The following GSTA2 variants were observed in gnomAD, a reference collection of about 807,000 sequenced individuals.
The protein encoded by GSTA2 is glutathione S-transferase A2.
GSTA2 carries 27 observed loss-of-function variants against 22.4 expected under a neutral mutation model. The observed-to-expected ratio is 1.21, with a 90% CI of 0.89 to 1.67. The LOEUF (loss-of-function observed/expected upper bound fraction) is 1.67. Among genes scored for constraint, GSTA2 ranks in the 40% most tolerant of loss-of-function variants. The pLI, the probability that GSTA2 is intolerant of heterozygous loss-of-function variation, is 0.00. For missense variants in GSTA2, 302 were observed against 260.2 expected (o/e 1.16, Z -1.11); for synonymous variants, 121 against 86.8 (o/e 1.39, Z -2.19).
chr6:52,755,164 T>A, intron 3 of GSTA2, 89 bp from the exon 4 acceptor site: 1 of 1,549,708 alleles, frequency 6.5e-7, no homozygotes, highest in Non-Finnish European at 8.7e-7. Flanking sequence ...AATGACTAAA[T>A]TTGTAAAACG....
chr6:52,755,481 G>A (rs1171302349), intron 3 of GSTA2, among the ~76,000 whole-genome samples: 8 of 152,152 alleles, frequency 5.3e-5, no homozygotes, highest in Non-Finnish European at 1.0e-4. Flanking sequence ...CCCAAATTGG[G>A]ATTACAGGTG....
At chr6:52,760,629 C>A (rs968858560) in intron 1 of GSTA2, among the ~76,000 whole-genome samples, 1 of 152,094 alleles carries the variant, frequency 6.6e-6, no homozygotes, top group African/African-American at 2.4e-5. Context: ...ATTGCAGGTC[C>A]GGAGCTTTTC....
chr6:52,762,104 CCAGGGACACAAAACACTGCGGAAGGCCG>C (rs368079360), intron 1 of GSTA2, among the ~76,000 whole-genome samples: 1,833 of 152,238 alleles, frequency 0.012, 38 homozygotes, highest in African/African-American at 0.041. Flanking sequence ...TGTCAAGTAC[CCAGGGACACAAAACACTGCGGAAGGCCG>C]CAGGGACCTC....
At chr6:52,760,679 A>G (rs1762937408) in intron 1 of GSTA2, among the ~76,000 whole-genome samples, 1 of 152,106 alleles carries the variant, frequency 6.6e-6, no homozygotes, top group Non-Finnish European at 1.5e-5. Context: ...CCTGTCTGAG[A>G]AGTTGTTTTG....
intron 1 of GSTA2, among the ~76,000 whole-genome samples, chr6:52,761,080 G>T (rs1264493575): frequency 4.6e-5 from 7 of 152,102 alleles, no homozygotes; most frequent in Admixed American, 4.6e-4. Context: ...GCAGTAGGTT[G>T]TTTAATCTCT....
At chr6:52,757,824 G>C in intron 2 of GSTA2, 37 bp downstream of exon 2, 7 of 1,548,494 alleles carry the variant, frequency 4.5e-6, no homozygotes, top group Non-Finnish European at 6.2e-6. Context: ...TAACGCAATC[G>C]TAAATCTGAC....
intron 5 of GSTA2, among the ~76,000 whole-genome samples, chr6:52,752,118 C>G (rs565573909): frequency 6.6e-6 from 1 of 152,184 alleles, no homozygotes; most frequent in East Asian, 1.9e-4. Flanking sequence ...ACTCCACCAT[C>G]GTGACAACAC....
At chr6:52,759,396 G>A (rs1581776487) in intron 1 of GSTA2, among the ~76,000 whole-genome samples, 2 of 152,052 alleles carry the variant, frequency 1.3e-5, no homozygotes, top group Admixed American at 1.3e-4. Context: ...GAAAGACACA[G>A]GACTCATTGA....
chr6:52,761,119 A>G lies in GSTA2; in HGVS notation c.-31+2325T>C, dbSNP rs995072314. ...CCTCAATTTTCTCTTCTTAGATTAG[A>G]GATAGTTATTTCTACTTTTGAGGGT... On this transcript the variant is annotated intron_variant, in intron 1 of 6. Coordinates refer to ENST00000493422, the MANE Select transcript of GSTA2 (RefSeq NM_000846.5). 2.6e-5 allele frequency among the ~76,000 whole-genome samples: 4 copies of G among 152,292 alleles called. No individual in the cohort carries two copies. The East Asian group carries it at 5.8e-4, about 22-fold the overall frequency.
intron 6 of GSTA2, 120 bp downstream of exon 6, chr6:52,751,457 T>TG (rs1232815042): frequency 2.0e-5 from 32 of 1,586,418 alleles, no homozygotes; most frequent in South Asian, 1.7e-4. Context: ...TTGGAGACCT[T>TG]GGGGCACCAA....
At chr6:52,755,910 T>C (rs995427608) in intron 3 of GSTA2, among the ~76,000 whole-genome samples, 3 of 152,156 alleles carry the variant, frequency 2.0e-5, no homozygotes, top group African/African-American at 7.2e-5. Context: ...CCTCCTTTTG[T>C]CTAATGCATG....
At chr6:52,754,802 T>TGCAATACTGGACCTCA (rs1762809759) in intron 4 of GSTA2, 141 bp downstream of exon 4, 1 of 1,077,480 alleles carries the variant, frequency 9.3e-7, no homozygotes, top group Non-Finnish European at 1.4e-6. Context: ...CATGGGACTC[T>TGCAATACTGGACCTCA]GCAATACTGG....
chr6:52,751,125 A>T lies in GSTA2; in HGVS notation c.547-426T>A, dbSNP rs535432249. Among the ~76,000 whole-genome samples, 562 of 152,312 alleles carry T rather than the reference A, an allele frequency of 3.7e-3. 3 individuals carry two copies. The highest frequency in any genetic ancestry group is 0.013 in the African/African-American group (531 of 41,574). ...GGACCACCTTTTCTCAGTGAGAGAT[A>T]CATTGTCGGGGGCAGAGTGCTGGAG... On this transcript the variant is annotated intron_variant, in intron 6 of 6. Coordinates refer to ENST00000493422, the MANE Select transcript of GSTA2 (RefSeq NM_000846.5).
intron 1 of GSTA2, among the ~76,000 whole-genome samples, chr6:52,758,999 A>G (rs527513610): frequency 1.3e-5 from 2 of 152,346 alleles, no homozygotes; most frequent in East Asian, 3.9e-4. Context: ...CACTGCTATT[A>G]AAAACCAAAT....
intron 1 of GSTA2, among the ~76,000 whole-genome samples, chr6:52,759,194 G>T (rs908863912): frequency 6.6e-6 from 1 of 151,526 alleles, no homozygotes; most frequent in Non-Finnish European, 1.5e-5. Context: ...TGTATACTGT[G>T]TGTATGGATC....
chr6:52,758,392 T>G (rs1419420392), intron 1 of GSTA2, among the ~76,000 whole-genome samples: 1 of 152,190 alleles, frequency 6.6e-6, no homozygotes, highest in Non-Finnish European at 1.5e-5. Flanking sequence ...ATTATCTCCA[T>G]TTTTTCGTTA....
intron 1 of GSTA2, among the ~76,000 whole-genome samples, chr6:52,759,410 A>C (rs1762908652): frequency 6.6e-6 from 1 of 152,118 alleles, no homozygotes. Flanking sequence ...TCATTGAAAG[A>C]AGGAGTTCCA....
chr6:52,754,868 G>A, intron 4 of GSTA2, 75 bp downstream of exon 4: 1 of 1,595,626 alleles, frequency 6.3e-7, no homozygotes, highest in Non-Finnish European at 8.6e-7. Context: ...ACCCTGCCAT[G>A]GTCCCACCCA....
intron 3 of GSTA2, 92 bp downstream of exon 3, chr6:52,756,166 C>A: frequency 1.2e-6 from 1 of 800,610 alleles, no homozygotes; most frequent in Non-Finnish European, 2.2e-6. Flanking sequence ...AAATACCATG[C>A]CCCACACCCA....
Sources: allele counts gnomAD v4.1 joint callset (sites outside exome capture counted in the v4.1 genomes callset), GRCh38; gene constraint gnomAD v4.1.1; transcripts MANE v1.5; gene names NCBI Gene and HGNC (gene_info 2026-07-23, HGNC 2026-07-21).